Variants in PMS1 observed in about 807,000 individuals in gnomAD.
The protein encoded by PMS1 is PMS1 homolog 1, mismatch repair system component, also known as PMS1 protein homolog 1.
Under a neutral mutation model 93.1 loss-of-function variants are expected in PMS1, and 79 were observed. That is an observed-to-expected ratio of 0.85 (90% CI 0.71 to 1.02). The LOEUF is 1.02. Ranked by LOEUF, PMS1 falls within the 50% of genes least tolerant of loss-of-function variation. The probability of loss-of-function intolerance (pLI) is 0.00; values close to 1 mark genes in which losing one functional copy is unlikely to be tolerated. For synonymous variants in PMS1, 335 were observed against 363.4 expected, an observed-to-expected ratio of 0.92 and a Z score of 0.89; for missense variants, 1,064 against 1,085.3, an observed-to-expected ratio of 0.98 and a Z score of 0.28.
chr2:189,853,515 CTTTTCT>C (rs2054988496), intron 7 of PMS1, among the ~76,000 whole-genome samples: 1 of 142,080 alleles, frequency 7.0e-6, no homozygotes, highest in African/African-American at 2.9e-5. Context: ...CTTTTCTTTT[CTTTTCT>C]TTTTTTTTTT....
At chr2:189,847,570 T>A (rs578087703) in intron 6 of PMS1, among the ~76,000 whole-genome samples, 36 of 152,326 alleles carry the variant, frequency 2.4e-4, no homozygotes, top group African/African-American at 8.7e-4. Context: ...TAATTGTTTT[T>A]GTTTTTAAAT....
Position 189,818,159 on chromosome 2 carries a change from G to T in PMS1, c.561G>T (p.Arg187Ser). 1 of 1,601,130 alleles carries T rather than the reference G, an allele frequency of 6.2e-7. No individual in the cohort carries two copies. Among genetic ancestry groups the T allele is most frequent in the South Asian group, 1.1e-5 (1 of 90,652 alleles). ...TTGGTATCCTTAAACCTGACTTAAG[G>T]ATTGTCTTTGTACATAACAAGGTAA... ...MSFGILKPDL[R>S]IVFVHNKAVI... Residue 187 changes from arginine to serine, a missense_variant, in exon 5 of 13, where the codon AGG (arginine) becomes AGT (serine). Transcript: ENST00000441310.
At position 189,877,537 on chromosome 2, in the gene PMS1, TA is replaced by T; in HGVS notation, c.*102del. ...ATCTTTGTATTATGTGTCACATGGT[TA>T]TTTTTTAAATGAGGATTCACTGACT... is the stretch of plus-strand genomic sequence containing the variant. On this transcript the variant is annotated 3_prime_UTR_variant, in exon 13 of 13. Transcript: ENST00000441310. 1.3e-6 allele frequency: 1 copy of T among 781,762 alleles called. No homozygotes were observed. The highest frequency in any genetic ancestry group is 2.1e-6 in the Non-Finnish European group (1 of 477,646). 48.4% of individuals were successfully genotyped at this position (781,762 alleles called of 1,614,324 possible). A position where few individuals can be genotyped will look rare whatever the true frequency, so the allele number is the denominator to read the frequency against.
At chr2:189,836,327 A>G (rs563614386) in intron 5 of PMS1, among the ~76,000 whole-genome samples, 5 of 152,368 alleles carry the variant, frequency 3.3e-5, no homozygotes, top group Admixed American at 2.6e-4. Flanking sequence ...TTGCACTGTC[A>G]TCATACTGAC....
At chr2:189,855,807 T>A (rs867134413) in intron 9 of PMS1, 11 of 621,600 alleles carry the variant, frequency 1.8e-5, no homozygotes, top group Middle Eastern at 3.3e-4. Context: ...AATAATATGA[T>A]GAATGTTTTT....
At chr2:189,868,380 G>A (rs2056852242) in intron 11 of PMS1, among the ~76,000 whole-genome samples, 1 of 152,160 alleles carries the variant, frequency 6.6e-6, no homozygotes, top group African/African-American at 2.4e-5. Flanking sequence ...TGGATGATTT[G>A]GTTCCATGGC....
chr2:189,805,522 G>T, intron 3 of PMS1, 130 bp from the exon 4 acceptor site: 1 of 784,096 alleles, frequency 1.3e-6, no homozygotes, highest in Non-Finnish European at 2.2e-6. Context: ...AAAAGAACTG[G>T]TCACAAATGT....
intron 9 of PMS1, chr2:189,855,808 G>C: frequency 1.6e-6 from 1 of 631,366 alleles, no homozygotes; most frequent in Non-Finnish European, 2.3e-6. Flanking sequence ...ATAATATGAT[G>C]AATGTTTTTA....
chr2:189,819,413 G>A (rs577982919), intron 5 of PMS1, among the ~76,000 whole-genome samples: 1 of 152,170 alleles, frequency 6.6e-6, no homozygotes, highest in East Asian at 1.9e-4. Flanking sequence ...GAGATTACTT[G>A]GTCAAATAGT....
At chr2:189,804,736 C>G (rs1033443150) in intron 3 of PMS1, among the ~76,000 whole-genome samples, 1 of 152,040 alleles carries the variant, frequency 6.6e-6, no homozygotes, top group African/African-American at 2.4e-5. Flanking sequence ...CTTATGGTGT[C>G]TAAATTATAT....
intron 5 of PMS1, among the ~76,000 whole-genome samples, chr2:189,824,695 C>G (rs1159467510): frequency 3.9e-5 from 6 of 151,962 alleles, no homozygotes; most frequent in Admixed American, 2.6e-4. Flanking sequence ...TTTTAAAAGT[C>G]TTTTTGTAAA....
intron 5 of PMS1, among the ~76,000 whole-genome samples, chr2:189,820,507 T>A (rs981696482): frequency 6.6e-6 from 1 of 152,096 alleles, no homozygotes; most frequent in East Asian, 1.9e-4. Context: ...CTCCCTATGT[T>A]GCCTGGGCTG....
intron 6 of PMS1, among the ~76,000 whole-genome samples, chr2:189,847,065 T>C (rs1414350259): frequency 6.6e-6 from 1 of 152,038 alleles, no homozygotes; most frequent in Admixed American, 6.6e-5. Context: ...TTTCACCATG[T>C]TGAACAGGCT....
Position 189,854,622 on chromosome 2 carries a change from GA to G in PMS1, c.1351del (p.Thr451ArgfsTer9). 1 of 1,613,944 alleles carries G rather than the reference GA, an allele frequency of 6.2e-7. No individual in the cohort carries two copies. Among genetic ancestry groups the G allele is most frequent in the Non-Finnish European group, 8.5e-7 (1 of 1,179,908 alleles). On this transcript the variant is annotated frameshift_variant, in exon 9 of 13. Transcript: ENST00000441310. LOFTEE classifies it high-confidence loss of function. ...MSNVSWENSQ[T>X]EYSKTCFISS... ...GTAATGTATCATGGGAGAACTCTCA[GA>G]CGGAATATAGTAAAACTTGTTTTAT...
At chr2:189,824,201 C>A (rs2052222539) in intron 5 of PMS1, among the ~76,000 whole-genome samples, 2 of 152,054 alleles carry the variant, frequency 1.3e-5, no homozygotes, top group African/African-American at 4.8e-5. Context: ...TCATGGGTAT[C>A]TGAAGCCTCC....
In PMS1 at chr2:189,786,653, G is replaced by T. The variant is rs1305822972; in HGVS notation, c.-21+2060G>T. Among the ~76,000 whole-genome samples the T allele has an allele frequency of 2.0e-5, 3 of 152,146 alleles. No homozygotes were observed. In the East Asian group the frequency reaches 5.8e-4, roughly 29 times the overall value. Reference sequence around the variant, plus strand: ...CCTTTAAATCCTATTTGGTGATAAAGGATGATAGAATACGTAGAGTTGTTG... The same window carrying T: ...CCTTTAAATCCTATTTGGTGATAAATGATGATAGAATACGTAGAGTTGTTG... On this transcript the variant is annotated intron_variant, in intron 1 of 12. Transcript: ENST00000441310.
rs2051477907 is a variant in PMS1, at chr2:189,818,018, TACAACTGTAACTGCTTTA to T, written c.422_439del (p.Thr141_Leu146del). The stretch of plus-strand genomic sequence containing the variant: ...TGCTTTTCTCTTGTCTGCCAACAGG[TACAACTGTAACTGCTTTA>T]AGATTATTTAAGAATCTACCTGTAA... On this transcript the variant is annotated inframe_deletion and splice_region_variant, in exon 5 of 13. Coordinates refer to ENST00000441310, the MANE Select transcript of PMS1 (RefSeq NM_000534.5). 2 of 1,607,154 alleles carry T rather than the reference TACAACTGTAACTGCTTTA, an allele frequency of 1.2e-6. No homozygotes were observed. The highest frequency in any genetic ancestry group is 1.3e-5 in the African/African-American group (1 of 74,782).
chr2:189,825,204 A>T (rs550803508), intron 5 of PMS1, among the ~76,000 whole-genome samples: 1 of 152,282 alleles, frequency 6.6e-6, no homozygotes, highest in Middle Eastern at 3.4e-3. Flanking sequence ...TGTTAGAAAG[A>T]GGTATTTTTC....
intron 5 of PMS1, among the ~76,000 whole-genome samples, chr2:189,820,792 C>G (rs953212165): frequency 4.6e-5 from 7 of 151,960 alleles, no homozygotes; most frequent in South Asian, 2.1e-4. Flanking sequence ...AGGTCAGAAC[C>G]CTTTTTGATC....
Sources: allele counts gnomAD v4.1 joint callset (sites outside exome capture counted in the v4.1 genomes callset), GRCh38; gene constraint gnomAD v4.1.1; transcripts MANE v1.5; gene names NCBI Gene and HGNC (gene_info 2026-07-23, HGNC 2026-07-21).